Variants in NBAS observed in about 807,000 individuals in gnomAD.
NBAS encodes the protein NBAS subunit of NRZ tethering complex.
Under a neutral mutation model 302.5 loss-of-function variants are expected in NBAS, and 219 were observed. The observed-to-expected ratio is 0.72, with a 90% confidence interval of 0.65 to 0.81. The LOEUF is 0.81. NBAS is among the 30% of genes least tolerant of loss of function. The pLI, the probability that NBAS is intolerant of heterozygous loss-of-function variation, is 0.00. For synonymous variants in NBAS, 1,118 were observed against 1,021.6 expected (o/e 1.09, Z -1.80); for missense variants, 2,932 against 2,841.6 (o/e 1.03, Z -0.72).
the NBAS span, among the ~76,000 whole-genome samples, chr2:14,848,975 A>AC: frequency 2.0e-5 from 2 of 97,972 alleles, no homozygotes; most frequent in Non-Finnish European, 3.8e-5. Flanking sequence ...AAAGATGGGG[A>AC]AAAAACAGAA....
At chr2:15,044,548 G>T in the NBAS span, among the ~76,000 whole-genome samples, 1 of 152,208 alleles carries the variant, frequency 6.6e-6, no homozygotes, top group Non-Finnish European at 1.5e-5. Flanking sequence ...GAATGTCAGG[G>T]TTCTTTCCTA....
chr2:14,856,136 G>A, the NBAS span, among the ~76,000 whole-genome samples: 1 of 152,010 alleles, frequency 6.6e-6, no homozygotes, highest in Non-Finnish European at 1.5e-5. Context: ...GTAAGGGGAG[G>A]GAACAAGAGT....
chr2:14,809,921 C>G, the NBAS span, among the ~76,000 whole-genome samples: 1 of 152,196 alleles, frequency 6.6e-6, no homozygotes, highest in Admixed American at 6.5e-5. Context: ...CGGAGCCAAA[C>G]GAGATCATTT....
At chr2:15,525,026 A>G (rs1362840237) in intron 9 of NBAS, among the ~76,000 whole-genome samples, 2 of 152,174 alleles carry the variant, frequency 1.3e-5, no homozygotes, top group African/African-American at 2.4e-5. Flanking sequence ...CTTCACTGCA[A>G]AAACACAATA....
chr2:14,957,025 G>C, the NBAS span, among the ~76,000 whole-genome samples: 1 of 152,168 alleles, frequency 6.6e-6, no homozygotes, highest in Non-Finnish European at 1.5e-5. Context: ...CTTATACAAA[G>C]TGGCAAATTT....
chr2:14,781,931 A>C, the NBAS span, among the ~76,000 whole-genome samples: 1 of 152,076 alleles, frequency 6.6e-6, no homozygotes, highest in Non-Finnish European at 1.5e-5. Flanking sequence ...CCTCCTTAGC[A>C]TGATGGTCAT....
At chr2:15,546,754 G>C (rs1664137741) in intron 6 of NBAS, among the ~76,000 whole-genome samples, 1 of 152,132 alleles carries the variant, frequency 6.6e-6, no homozygotes, top group African/African-American at 2.4e-5. Flanking sequence ...AACAAGTCTG[G>C]GTGTTTCAAA....
chr2:15,479,287 A>T (rs565525969), intron 12 of NBAS, among the ~76,000 whole-genome samples: 1 of 152,244 alleles, frequency 6.6e-6, no homozygotes, highest in Non-Finnish European at 1.5e-5. Context: ...TTACTTAATC[A>T]TAAGAAACGA....
intron 10 of NBAS, 59 bp from the exon 11 acceptor site, chr2:15,504,272 T>C: frequency 7.4e-7 from 1 of 1,355,072 alleles, no homozygotes; most frequent in Non-Finnish European, 1.1e-6. Context: ...CGTTGTAAAA[T>C]GTCCCTTTAT....
At chr2:14,916,461 C>T in the NBAS span, among the ~76,000 whole-genome samples, 1 of 151,794 alleles carries the variant, frequency 6.6e-6, no homozygotes. Flanking sequence ...TTTTATTTTC[C>T]TTAAAAAAAT....
chr2:15,554,290 C>T, intron 3 of NBAS, 152 bp from the exon 4 acceptor site: 1 of 711,240 alleles, frequency 1.4e-6, no homozygotes, highest in Non-Finnish European at 2.5e-6. Flanking sequence ...CCCAAAGTTA[C>T]TATTTGGTAG....
chr2:14,920,916 T>A, the NBAS span, among the ~76,000 whole-genome samples: 1 of 152,008 alleles, frequency 6.6e-6, no homozygotes. Flanking sequence ...TTTTTTTTTT[T>A]AATCATTCAT....
Position 15,329,377 on chromosome 2 carries a change from T to C in NBAS, c.4348-1065A>G, listed in dbSNP as rs368342468. On this transcript the variant is annotated intron_variant, in intron 36 of 51. Coordinates refer to ENST00000281513, the MANE Select transcript of NBAS (RefSeq NM_015909.4). ...CAGAAGGTCTAAAAAATATATCCCATCCCCAAACCAACCTCTTCCCACTGC... is the reference window on the plus strand; with the variant it reads ...CAGAAGGTCTAAAAAATATATCCCACCCCCAAACCAACCTCTTCCCACTGC... Among the ~76,000 whole-genome samples the C allele has an allele frequency of 1.8e-4, 27 of 152,208 alleles. No homozygotes were observed. The East Asian group carries it at 5.0e-3, about 28-fold the overall frequency.
chr2:14,999,665 G>A, the NBAS span, among the ~76,000 whole-genome samples: 15 of 152,170 alleles, frequency 9.9e-5, no homozygotes, highest in Admixed American at 9.8e-4. Flanking sequence ...CTCCTGAACA[G>A]CCTGTGGAAC....
rs544594730 is a variant in NBAS, at chr2:15,534,869, C to A, written c.648-228G>T. ...AAACTATGTCTCCCCTATGACCCAG[C>A]AATCCCACTTGAAGATACTGACCCA... On this transcript the variant is annotated intron_variant, in intron 8 of 51. Coordinates refer to ENST00000281513, the MANE Select transcript of NBAS (RefSeq NM_015909.4). Among the ~76,000 whole-genome samples, 12 of 152,230 alleles carry A rather than the reference C, an allele frequency of 7.9e-5. No homozygotes were observed. In the East Asian group the frequency reaches 2.3e-3, roughly 29 times the overall value.
At chr2:14,864,320 CAAA>C in the NBAS span, among the ~76,000 whole-genome samples, 2 of 68,000 alleles carry the variant, frequency 2.9e-5, no homozygotes, top group African/African-American at 9.4e-5. Context: ...GGCTCCATCT[CAAA>C]AAAAAAAAAA....
At chr2:15,560,575 C>A (rs1197914591) in intron 1 of NBAS, among the ~76,000 whole-genome samples, 2 of 152,082 alleles carry the variant, frequency 1.3e-5, no homozygotes, top group Non-Finnish European at 2.9e-5. Flanking sequence ...TAGCACAGCA[C>A]CTGTGACACC....
chr2:15,448,104 C>T (rs1678837434), intron 21 of NBAS, among the ~76,000 whole-genome samples: 1 of 152,166 alleles, frequency 6.6e-6, no homozygotes, highest in African/African-American at 2.4e-5. Flanking sequence ...AATACTGTTG[C>T]ATTAAGAATA....
At position 15,535,318 on chromosome 2, in the gene NBAS, G is replaced by A. The variant is rs555458503; in HGVS notation, c.648-677C>T. Among the ~76,000 whole-genome samples, 12 of 152,114 alleles carry A rather than the reference G, an allele frequency of 7.9e-5. 1 individual carries two copies. The South Asian group carries it at 1.5e-3, about 18-fold the overall frequency. On this transcript the variant is annotated intron_variant, in intron 8 of 51. Coordinates refer to ENST00000281513, the MANE Select transcript of NBAS (RefSeq NM_015909.4). ...GGGCAGATCACAACGTCAGGAGATC[G>A]AGACCATCCTGACTAACATGATGAA...
Sources: gnomAD v4.1 joint callset for allele counts (sites outside exome capture counted in the v4.1 genomes callset) on GRCh38, gnomAD v4.1.1 for gene constraint, MANE v1.5 for transcripts, NCBI Gene and HGNC (gene_info 2026-07-23, HGNC 2026-07-21) for gene names.